Variants in DCC observed in about 807,000 individuals in gnomAD.
DCC encodes DCC netrin 1 receptor.
In DCC, 58 loss-of-function variants were observed where a neutral mutation model predicts 172.5. That is an observed-to-expected ratio of 0.34 (90% CI 0.27 to 0.42). The LOEUF (loss-of-function observed/expected upper bound fraction) is 0.42. DCC is among the 10% of genes least tolerant of loss of function. The pLI is 1.00. For synonymous variants in DCC, 709 were observed against 644.5 expected, an observed-to-expected ratio of 1.10 and a Z score of -1.52; for missense variants, 1,740 against 1,791.0, an observed-to-expected ratio of 0.97 and a Z score of 0.51.
At chr18:53,510,988 CCTTA>C (rs1289632851) in intron 27 of DCC, among the ~76,000 whole-genome samples, 14 of 152,146 alleles carry the variant, frequency 9.2e-5, no homozygotes, top group African/African-American at 1.2e-4. Flanking sequence ...ATAATTTAAG[CCTTA>C]CTTATCAGCT....
At chr18:52,684,170 G>T (rs2035792124) in intron 1 of DCC, among the ~76,000 whole-genome samples, 1 of 152,008 alleles carries the variant, frequency 6.6e-6, no homozygotes, top group Admixed American at 6.6e-5. Context: ...GGACATGTGG[G>T]TTTATTCACT....
intron 15 of DCC, among the ~76,000 whole-genome samples, chr18:53,378,513 C>T (rs773223397): frequency 2.8e-4 from 43 of 152,074 alleles, no homozygotes; most frequent in Non-Finnish European, 5.0e-4. Flanking sequence ...TTTCACACAC[C>T]TACTGGTATC....
chr18:53,350,575 C>T (rs538533048), intron 15 of DCC, among the ~76,000 whole-genome samples: 103 of 111,368 alleles, frequency 9.2e-4, no homozygotes, highest in Non-Finnish European at 1.7e-3. Flanking sequence ...TTTTTTGCCT[C>T]TCCATAATGT....
chr18:52,953,838 A>G (rs1039149724), intron 5 of DCC, among the ~76,000 whole-genome samples: 1 of 152,214 alleles, frequency 6.6e-6, no homozygotes, highest in Non-Finnish European at 1.5e-5. Context: ...CACTAAATAA[A>G]TGTTACTTTT....
At chr18:53,212,089 A>C (rs375429429) in intron 11 of DCC, among the ~76,000 whole-genome samples, 1 of 152,242 alleles carries the variant, frequency 6.6e-6, no homozygotes, top group Non-Finnish European at 1.5e-5. Context: ...TTCTGTGTAC[A>C]TGGCAGCATA....
intron 2 of DCC, among the ~76,000 whole-genome samples, chr18:52,844,945 T>C (rs1031765923): frequency 6.6e-6 from 1 of 152,198 alleles, no homozygotes; most frequent in Non-Finnish European, 1.5e-5. Flanking sequence ...ATGGGAAATA[T>C]TCTTTGGTAA....
rs903647083 is a variant in DCC at position 52,662,304 on chromosome 18, T to A, written c.92-89750T>A. Among the ~76,000 whole-genome samples the A allele has an allele frequency of 7.2e-5, 11 of 152,226 alleles. No individual in the cohort carries two copies. In the South Asian group the frequency reaches 2.1e-3, roughly 29 times the overall value. Reference sequence around the variant, plus strand: ...TTCAACATGTGCATCACAGCATTTCTTGATAGACAAAACCAGAAAGCAGAG... The same window carrying A: ...TTCAACATGTGCATCACAGCATTTCATGATAGACAAAACCAGAAAGCAGAG... On this transcript the variant is annotated intron_variant, in intron 1 of 28. Transcript: ENST00000442544.
chr18:52,869,808 A>G lies in DCC; in HGVS notation c.413-36236A>G, dbSNP rs140458654. On this transcript the variant is annotated intron_variant, in intron 2 of 28. Transcript: ENST00000442544. ...CCGGGCTTGGCCCCAACCCTGTTCC[A>G]ATATTGCAGTGGGTGCCAGGAGCTA... Among the ~76,000 whole-genome samples, 821 of 152,240 alleles carry G rather than the reference A, an allele frequency of 5.4e-3. 6 individuals are homozygous for G. The highest frequency in any genetic ancestry group is 0.019 in the African/African-American group (792 of 41,572).
intron 5 of DCC, among the ~76,000 whole-genome samples, chr18:52,929,273 C>T (rs778807520): frequency 5.9e-5 from 9 of 152,114 alleles, no homozygotes; most frequent in African/African-American, 9.7e-5. Flanking sequence ...TCCAGGCATC[C>T]GACCAAAGAG....
chr18:52,924,427 C>T (rs1363817654), intron 4 of DCC, among the ~76,000 whole-genome samples: 1 of 151,914 alleles, frequency 6.6e-6, no homozygotes, highest in Non-Finnish European at 1.5e-5. Flanking sequence ...TTTTTTTTAG[C>T]TTCAACTATA....
At chr18:53,027,644 G>T (rs1039351842) in intron 5 of DCC, among the ~76,000 whole-genome samples, 2 of 152,130 alleles carry the variant, frequency 1.3e-5, no homozygotes, top group African/African-American at 4.8e-5. Context: ...GTCACTCATA[G>T]CAGCAGTCAT....
intron 1 of DCC, among the ~76,000 whole-genome samples, chr18:52,572,057 T>G (rs1339878722): frequency 6.6e-6 from 1 of 152,208 alleles, no homozygotes; most frequent in Non-Finnish European, 1.5e-5. Context: ...AATACTATTT[T>G]GGGAGGCCTT....
intron 5 of DCC, among the ~76,000 whole-genome samples, chr18:52,965,730 G>A (rs1469648499): frequency 1.3e-5 from 2 of 152,136 alleles, no homozygotes; most frequent in Non-Finnish European, 2.9e-5. Context: ...TACTGAGAAA[G>A]TACAGTGTGT....
At chr18:52,757,399 C>A (rs1478070344) in intron 2 of DCC, 6 of 152,140 alleles carry the variant, frequency 3.9e-5, no homozygotes, top group Non-Finnish European at 8.8e-5. Flanking sequence ...TGTAAGAAGA[C>A]TAGATAACAA....
chr18:53,068,756 A>G (rs1331957016), intron 7 of DCC, among the ~76,000 whole-genome samples: 1 of 146,552 alleles, frequency 6.8e-6, no homozygotes, highest in Non-Finnish European at 1.5e-5. Flanking sequence ...ACAGACTCCA[A>G]GAAAACCTTT....
In DCC at chr18:52,984,566, TTAAG is replaced by T. The variant is rs1162242036; in HGVS notation, c.985+59198_985+59201del. On this transcript the variant is annotated intron_variant, in intron 5 of 28. Coordinates refer to ENST00000442544, the MANE Select transcript of DCC (RefSeq NM_005215.4). ...TATGTTTTGTAGAAATCCACTGTAA[TTAAG>T]TGTGTTTATCCATTTATTTAAGCCT... Among the ~76,000 whole-genome samples, 5 of 152,126 alleles carry T rather than the reference TTAAG, an allele frequency of 3.3e-5. No individual in the cohort carries two copies. In the South Asian group the frequency reaches 8.3e-4, roughly 25 times the overall value.
chr18:52,604,343 T>C (rs925646294), intron 1 of DCC, among the ~76,000 whole-genome samples: 4 of 152,156 alleles, frequency 2.6e-5, no homozygotes, highest in Admixed American at 6.6e-5. Flanking sequence ...AGCTTCTATG[T>C]ATATCAGTTA....
rs532505084 is a variant in DCC at position 52,833,995 on chromosome 18, A to G, written c.413-72049A>G. ...TAAGCAGGTCAGTCTGCCAAGCTCC[A>G]GCACAGAACTCCCGGGGCCTATGTG... On this transcript the variant is annotated intron_variant, in intron 2 of 28. Coordinates refer to ENST00000442544, the MANE Select transcript of DCC (RefSeq NM_005215.4). Among the ~76,000 whole-genome samples, 3 of 152,242 alleles carry G rather than the reference A, an allele frequency of 2.0e-5. No individual in the cohort carries two copies. In the South Asian group the frequency reaches 6.2e-4, roughly 32 times the overall value.
At chr18:53,000,163 A>G (rs11663217) in intron 5 of DCC, among the ~76,000 whole-genome samples, 51,652 of 151,956 alleles carry the variant, frequency 0.34, 9,989 homozygotes, top group Non-Finnish European at 0.45. Flanking sequence ...TAAGCCACCC[A>G]GTTTGTGGTA....
Sources: allele counts gnomAD v4.1 joint callset (sites outside exome capture counted in the v4.1 genomes callset), GRCh38; gene constraint gnomAD v4.1.1; transcripts MANE v1.5; gene names NCBI Gene and HGNC (gene_info 2026-07-23, HGNC 2026-07-21).